The following MDGA2 variants were observed in gnomAD, a reference collection of about 807,000 sequenced individuals.
MDGA2 encodes the protein MAM domain containing glycosylphosphatidylinositol anchor 2.
In MDGA2, 40 loss-of-function variants were observed where a neutral mutation model predicts 117.8. The ratio of observed to expected loss-of-function variants is 0.34; its 90% confidence interval spans 0.26 to 0.44. The LOEUF is 0.44. Among genes scored for constraint, MDGA2 ranks in the 20% least tolerant of loss-of-function variants. The probability of loss-of-function intolerance (pLI) is 1.00; values close to 1 mark genes in which losing one functional copy is unlikely to be tolerated. For missense variants in MDGA2, 1,123 were observed against 1,250.6 expected, an observed-to-expected ratio of 0.90 and a Z score of 1.54; for synonymous variants, 452 against 439.0, an observed-to-expected ratio of 1.03 and a Z score of -0.37.
chr14:47,342,130 C>T (rs535720000), intron 1 of MDGA2, among the ~76,000 whole-genome samples: 18 of 152,056 alleles, frequency 1.2e-4, no homozygotes, highest in African/African-American at 4.1e-4. Flanking sequence ...GGGTTACAGG[C>T]GTGAGCCACT....
intron 7 of MDGA2, among the ~76,000 whole-genome samples, chr14:47,040,787 T>G (rs1466654928): frequency 6.6e-6 from 1 of 152,220 alleles, no homozygotes; most frequent in Non-Finnish European, 1.5e-5. Context: ...CCATTTAACC[T>G]GTCCTTGTGA....
chr14:47,414,862 C>A (rs1892443629), intron 1 of MDGA2, among the ~76,000 whole-genome samples: 2 of 152,032 alleles, frequency 1.3e-5, no homozygotes, highest in Non-Finnish European at 2.9e-5. Flanking sequence ...GCAAAAAATT[C>A]TTAAAATTAA....
intron 10 of MDGA2, among the ~76,000 whole-genome samples, chr14:46,903,214 T>A (rs1386461376): frequency 1.3e-5 from 2 of 152,224 alleles, no homozygotes; most frequent in African/African-American, 4.8e-5. Flanking sequence ...ATGCCTAACT[T>A]TTCCTGGTTG....
chr14:47,131,189 G>C (rs754371028), intron 5 of MDGA2, among the ~76,000 whole-genome samples: 1 of 151,692 alleles, frequency 6.6e-6, no homozygotes, highest in African/African-American at 2.4e-5. Flanking sequence ...TATGTTTACC[G>C]TTATTCTGGG....
chr14:47,064,096 TAG>T (rs1321332649), intron 6 of MDGA2, among the ~76,000 whole-genome samples: 1 of 152,006 alleles, frequency 6.6e-6, no homozygotes, highest in Non-Finnish European at 1.5e-5. Flanking sequence ...GAAAAAATAT[TAG>T]AGATTATAAA....
chr14:47,468,949 G>A (rs569149974), intron 1 of MDGA2, among the ~76,000 whole-genome samples: 1 of 151,810 alleles, frequency 6.6e-6, no homozygotes, highest in South Asian at 2.1e-4. Flanking sequence ...TATTTTTTCA[G>A]GTTTTACATG....
At chr14:46,963,306 C>T (rs7161105) in intron 8 of MDGA2, among the ~76,000 whole-genome samples, 17,951 of 152,156 alleles carry the variant, frequency 0.12, 2,018 homozygotes, top group African/African-American at 0.27. Context: ...TGCAGTATAC[C>T]TGTAATAGGT....
chr14:47,194,258 G>A lies in MDGA2; in HGVS notation c.595+23763C>T, dbSNP rs557243533. On this transcript the variant is annotated intron_variant, in intron 3 of 16. Transcript: ENST00000399232. ...GAAGGTTCAGGCTTAAGTTCATCCA[G>A]AAGAATGTGAGTCATTCATTTCCCA... Among the ~76,000 whole-genome samples, 86 of 152,216 alleles carry A rather than the reference G, an allele frequency of 5.6e-4. 1 individual carries two copies. The South Asian group carries it at 7.9e-3, about 14-fold the overall frequency.
intron 8 of MDGA2, among the ~76,000 whole-genome samples, chr14:47,022,606 A>T (rs1047427093): frequency 6.6e-6 from 1 of 152,172 alleles, no homozygotes; most frequent in African/African-American, 2.4e-5. Context: ...GAAAATTTTT[A>T]AAAAGGTACA....
At chr14:47,084,499 A>T (rs971827069) in intron 6 of MDGA2, among the ~76,000 whole-genome samples, 53 of 40,696 alleles carry the variant, frequency 1.3e-3, no homozygotes, top group African/African-American at 5.8e-3. Flanking sequence ...AGCAAAAATT[A>T]AAAAAAAAAA....
chr14:47,485,345 G>A (rs1894038003), intron 1 of MDGA2, among the ~76,000 whole-genome samples: 1 of 152,056 alleles, frequency 6.6e-6, no homozygotes, highest in Non-Finnish European at 1.5e-5. Flanking sequence ...AGTGATTTAG[G>A]GCATATGGTA....
chr14:46,930,115 A>G (rs1441544750), intron 9 of MDGA2, among the ~76,000 whole-genome samples: 2 of 32,402 alleles, frequency 6.2e-5, no homozygotes, highest in South Asian at 1.2e-3. Context: ...CCCAAAGAAG[A>G]AAAAAAAACT....
chr14:47,054,932 C>CT (rs1381691023), intron 7 of MDGA2, among the ~76,000 whole-genome samples: 4 of 150,100 alleles, frequency 2.7e-5, no homozygotes, highest in Non-Finnish European at 3.0e-5. Flanking sequence ...CTTTCTGTAT[C>CT]TTTTTTTTCT....
At chr14:47,455,751 C>T (rs1371074795) in intron 1 of MDGA2, among the ~76,000 whole-genome samples, 1 of 132,904 alleles carries the variant, frequency 7.5e-6, no homozygotes, top group Non-Finnish European at 1.6e-5. Context: ...AATCCCAGCA[C>T]TTTAGGAGGC....
chr14:46,976,015 G>GA lies in MDGA2; in HGVS notation c.1820-18373dup, dbSNP rs1886446267. ...ACCACGTTGGTGGTTTATTTTCAGAGAAAATGGTGATTTATTTTCAGAGAA... is the reference window on the plus strand; with the variant it reads ...ACCACGTTGGTGGTTTATTTTCAGAGAAAAATGGTGATTTATTTTCAGAGAA... On this transcript the variant is annotated intron_variant, in intron 8 of 16. Coordinates refer to ENST00000399232, the MANE Select transcript of MDGA2 (RefSeq NM_001113498.3). Among the ~76,000 whole-genome samples the GA allele has an allele frequency of 3.9e-5, 6 of 152,066 alleles. 1 individual carries two copies. The South Asian group carries it at 1.2e-3, about 32-fold the overall frequency.
At chr14:47,532,365 T>C (rs1895118455) in intron 1 of MDGA2, among the ~76,000 whole-genome samples, 1 of 152,226 alleles carries the variant, frequency 6.6e-6, no homozygotes, top group Admixed American at 6.5e-5. Context: ...GCCTTCATTA[T>C]CTTCTCACCC....
At chr14:47,595,238 G>GAAA (rs113153456) in intron 1 of MDGA2, among the ~76,000 whole-genome samples, 1 of 144,028 alleles carries the variant, frequency 6.9e-6, no homozygotes, top group Non-Finnish European at 1.5e-5. Flanking sequence ...TAGCATTAGA[G>GAAA]AAAAAAAAAA....
chr14:47,584,429 A>G (rs1896285579), intron 1 of MDGA2, among the ~76,000 whole-genome samples: 1 of 151,890 alleles, frequency 6.6e-6, no homozygotes, highest in Non-Finnish European at 1.5e-5. Flanking sequence ...TTATGTAGAT[A>G]TAATTTAAGT....
chr14:47,078,627 C>T (rs1465664751), intron 6 of MDGA2, among the ~76,000 whole-genome samples: 1 of 152,140 alleles, frequency 6.6e-6, no homozygotes, highest in Non-Finnish European at 1.5e-5. Context: ...ACTGAGATAA[C>T]TTCATTCACA....
Sources: gnomAD v4.1 joint callset for allele counts (sites outside exome capture counted in the v4.1 genomes callset) on GRCh38, gnomAD v4.1.1 for gene constraint, MANE v1.5 for transcripts, NCBI Gene and HGNC (gene_info 2026-07-23, HGNC 2026-07-21) for gene names.